Variants in LHFPL4 observed in about 807,000 individuals in gnomAD.
LHFPL4 encodes the protein LHFPL tetraspan subfamily member 4 protein.
In LHFPL4, 6 loss-of-function variants were observed where a neutral mutation model predicts 20.0. The ratio of observed to expected loss-of-function variants is 0.30; its 90% confidence interval spans 0.16 to 0.59. The LOEUF is 0.59. Ranked by LOEUF, LHFPL4 falls within the 20% of genes least tolerant of loss-of-function variation. The pLI is 0.88. For synonymous variants in LHFPL4, 129 were observed against 143.8 expected, an observed-to-expected ratio of 0.90 and a Z score of 0.74; for missense variants, 215 against 331.2, an observed-to-expected ratio of 0.65 and a Z score of 2.72.
At chr3:9,541,299 T>C (rs1358740075) in intron 2 of LHFPL4, among the ~76,000 whole-genome samples, 28 of 152,058 alleles carry the variant, frequency 1.8e-4, no homozygotes, top group Admixed American at 1.8e-3. Context: ...TATAGACCAA[T>C]GGAATAGAAT....
chr3:9,539,002 A>G (rs1013842706), intron 2 of LHFPL4, among the ~76,000 whole-genome samples: 1 of 152,084 alleles, frequency 6.6e-6, no homozygotes, highest in East Asian at 1.9e-4. Context: ...ACCTGGCCCA[A>G]ATTCAGGTTT....
At chr3:9,547,609 G>C (rs548146827) in intron 2 of LHFPL4, among the ~76,000 whole-genome samples, 1 of 152,160 alleles carries the variant, frequency 6.6e-6, no homozygotes, top group Admixed American at 6.5e-5. Context: ...GTGTGAAAAC[G>C]TCTAGCATAG....
chr3:9,552,379 G>A lies in LHFPL4; in HGVS notation c.301C>T (p.Leu101Phe). The A allele has an allele frequency of 6.2e-7, 1 of 1,614,002 alleles. No homozygotes were observed. Among genetic ancestry groups the A allele is most frequent in the Non-Finnish European group, 8.5e-7 (1 of 1,180,018 alleles). The change falls in exon 2 of 4, where the codon CTC becomes TTC. Residue 101 changes from leucine to phenylalanine, a missense_variant. Leu to Phe is a conservative substitution (Grantham distance 22). This residue lies in a region of LHFPL4 where 164 missense variants were observed against 286.7 expected (regional missense o/e 0.57). Transcript: ENST00000287585. Reference sequence around the variant, plus strand: ...CAGCCGAGGATCAGCACCATGGAGAGCAGCACGAAGAAGGCGGCCGCCTTG... The same window carrying A: ...CAGCCGAGGATCAGCACCATGGAGAACAGCACGAAGAAGGCGGCCGCCTTG... ...AFKAAAFFVL[L>F]SMVLILGCIT...
At chr3:9,533,646 G>A (rs1403978288) in intron 2 of LHFPL4, among the ~76,000 whole-genome samples, 1 of 152,132 alleles carries the variant, frequency 6.6e-6, no homozygotes, top group Non-Finnish European at 1.5e-5. Flanking sequence ...GCTGGGTGTG[G>A]TGGCGGGCGC....
At chr3:9,505,241 C>T (rs1344449183) in intron 3 of LHFPL4, among the ~76,000 whole-genome samples, 4 of 150,744 alleles carry the variant, frequency 2.7e-5, no homozygotes, top group African/African-American at 7.3e-5. Flanking sequence ...GTTGTACTGT[C>T]AGGCAGGTTT....
Position 9,506,879 on chromosome 3 carries a change from C to T in LHFPL4, c.407-676G>A, listed in dbSNP as rs1484274580. ...TATAGGAGTGAGCCACCACACCCGC[C>T]CTCATTGTTATTTTTTAAATTCTTG... On this transcript the variant is annotated intron_variant, in intron 2 of 3. Coordinates refer to ENST00000287585, the MANE Select transcript of LHFPL4 (RefSeq NM_198560.3). This position sits in a 1 kb window ranked among gnomAD's most constrained non-coding sequence, Gnocchi z 4.5. Among the ~76,000 whole-genome samples, 1 of 152,174 alleles carries T rather than the reference C, an allele frequency of 6.6e-6. No homozygotes were observed. Among genetic ancestry groups the T allele is most frequent in the Non-Finnish European group, 1.5e-5 (1 of 68,038 alleles).
At chr3:9,537,756 G>A (rs1388589988) in intron 2 of LHFPL4, among the ~76,000 whole-genome samples, 2 of 151,662 alleles carry the variant, frequency 1.3e-5, no homozygotes, top group South Asian at 2.1e-4. Context: ...TTCCTCCTCC[G>A]CCCGCCCCTT....
At chr3:9,510,428 C>T (rs868487851) in intron 2 of LHFPL4, among the ~76,000 whole-genome samples, 31 of 119,926 alleles carry the variant, frequency 2.6e-4, no homozygotes, top group South Asian at 5.5e-4. Context: ...CAGAGCAAGA[C>T]ATGGTTTCAA....
intron 2 of LHFPL4, among the ~76,000 whole-genome samples, chr3:9,523,071 G>A (rs1306789866): frequency 5.4e-4 from 24 of 44,060 alleles, no homozygotes; most frequent in African/African-American, 1.3e-3. Context: ...AAGAAAGAAA[G>A]AAAAGGAAGA....
At chr3:9,520,367 G>T (rs957016302) in intron 2 of LHFPL4, among the ~76,000 whole-genome samples, 1 of 151,912 alleles carries the variant, frequency 6.6e-6, no homozygotes, top group African/African-American at 2.4e-5. Context: ...TTGTTTGTTT[G>T]TTTTGAGATG....
chr3:9,512,675 T>C (rs11710200), intron 2 of LHFPL4, among the ~76,000 whole-genome samples: 4,764 of 152,328 alleles, frequency 0.031, 94 homozygotes, highest in Middle Eastern at 0.048. Flanking sequence ...CTAAGCAAAA[T>C]ACATGTAGAT....
intron 2 of LHFPL4, among the ~76,000 whole-genome samples, chr3:9,509,670 G>A (rs150793103): frequency 3.3e-5 from 5 of 152,332 alleles, no homozygotes; most frequent in East Asian, 1.9e-4. Flanking sequence ...GGGCACTCAC[G>A]CTGCAGGGTT....
Position 9,535,452 on chromosome 3 carries a change from T to C in LHFPL4, c.406+16822A>G, listed in dbSNP as rs531311537. ...CAGCCTGCTTCTAACCAGCACTCTA[T>C]ACTGTTATGAGTATAGACTATGCAG... is the stretch of plus-strand genomic sequence containing the variant. On this transcript the variant is annotated intron_variant, in intron 2 of 3. Coordinates refer to ENST00000287585, the MANE Select transcript of LHFPL4 (RefSeq NM_198560.3). Among the ~76,000 whole-genome samples the C allele has an allele frequency of 2.0e-5, 3 of 152,304 alleles. No homozygotes were observed. In the South Asian group the frequency reaches 6.2e-4, roughly 32 times the overall value.
intron 2 of LHFPL4, among the ~76,000 whole-genome samples, chr3:9,543,665 TATC>T (rs894663750): frequency 4.0e-5 from 6 of 151,608 alleles, no homozygotes; most frequent in African/African-American, 1.5e-4. Flanking sequence ...TAGAAACAAA[TATC>T]ATAAATGCTT....
At chr3:9,542,076 G>A (rs763716622) in intron 2 of LHFPL4, among the ~76,000 whole-genome samples, 6 of 151,106 alleles carry the variant, frequency 4.0e-5, no homozygotes, top group East Asian at 2.0e-4. Context: ...ACCTGAGGTC[G>A]AGAGATCGAG....
At chr3:9,519,946 A>G (rs1279668176) in intron 2 of LHFPL4, among the ~76,000 whole-genome samples, 1 of 152,134 alleles carries the variant, frequency 6.6e-6, no homozygotes. Flanking sequence ...GGTGTGAGTC[A>G]CCATCCTGGT....
intron 2 of LHFPL4, among the ~76,000 whole-genome samples, chr3:9,514,493 C>T (rs1005910220): frequency 6.6e-6 from 1 of 152,198 alleles, no homozygotes. Context: ...ACAGATGAGA[C>T]AACATTGACA....
At chr3:9,543,810 G>A (rs1049403441) in intron 2 of LHFPL4, among the ~76,000 whole-genome samples, 6 of 144,740 alleles carry the variant, frequency 4.1e-5, no homozygotes, top group South Asian at 2.3e-4. Context: ...GGCTCAGTGC[G>A]GCCTTGACCT....
At chr3:9,516,727 G>A (rs942294481) in intron 2 of LHFPL4, among the ~76,000 whole-genome samples, 1 of 150,918 alleles carries the variant, frequency 6.6e-6, no homozygotes, top group African/African-American at 2.4e-5. Flanking sequence ...ACCCACCTCG[G>A]CCTCTCAAAG....
Sources: gnomAD v4.1 joint callset for allele counts (sites outside exome capture counted in the v4.1 genomes callset) on GRCh38, gnomAD v4.1.1 for gene constraint, gnomAD v4.1.1 regional missense constraint, Gnocchi (gnomAD v3.1) non-coding constraint, MANE v1.5 for transcripts, NCBI Gene and HGNC (gene_info 2026-07-23, HGNC 2026-07-21) for gene names.